Variants in NYAP2 observed in about 807,000 individuals in gnomAD.
The protein encoded by NYAP2 is neuronal tyrosine-phosphorylated phosphoinositide-3-kinase adapter 2.
A neutral mutation model predicts 50.4 loss-of-function variants in NYAP2; 23 were observed. That is an observed-to-expected ratio of 0.46 (90% CI 0.33 to 0.65). The LOEUF (loss-of-function observed/expected upper bound fraction) is 0.65, where lower values mean the gene tolerates loss of function less well. Ranked by LOEUF, NYAP2 falls within the 30% of genes least tolerant of loss-of-function variation. NYAP2 has a pLI of 0.02. For synonymous variants in NYAP2, 394 were observed against 365.2 expected (o/e 1.08, Z -0.90); for missense variants, 885 against 861.0 (o/e 1.03, Z -0.35).
At chr2:225,637,892 G>A (rs1012287456) in intron 6 of NYAP2, among the ~76,000 whole-genome samples, 1 of 152,060 alleles carries the variant, frequency 6.6e-6, no homozygotes. Context: ...AAATGCAAAA[G>A]GCTAATTACA....
chr2:225,687,105 G>T, the NYAP2 span, among the ~76,000 whole-genome samples: 1 of 152,094 alleles, frequency 6.6e-6, no homozygotes, highest in Non-Finnish European at 1.5e-5. Context: ...TTTAGCATGT[G>T]ATATATTTAG....
intron 4 of NYAP2, among the ~76,000 whole-genome samples, chr2:225,575,637 GT>G (rs1294970276): frequency 6.6e-6 from 1 of 152,186 alleles, no homozygotes; most frequent in Non-Finnish European, 1.5e-5. Context: ...GATCTTCTGA[GT>G]GTTCAGATTT....
chr2:225,593,667 C>CTACAAA (rs976045439), intron 5 of NYAP2, among the ~76,000 whole-genome samples: 9 of 152,290 alleles, frequency 5.9e-5, no homozygotes, highest in African/African-American at 2.2e-4. Context: ...GGAAAACAAG[C>CTACAAA]TACAAACCTT....
rs928247001 is a variant in NYAP2 at position 225,425,490 on chromosome 2, C to T, written c.221+16389C>T. 6.6e-4 allele frequency among the ~76,000 whole-genome samples: 100 copies of T among 152,084 alleles called. 2 individuals are homozygous for T. The highest frequency in any genetic ancestry group is 6.0e-3 in the Admixed American group (92 of 15,266). ...GCTTTAGAAGGCAAGGGCACAAGTA[C>T]GGTATTTTATAACTGGCTAATTTCA... On this transcript the variant is annotated intron_variant, in intron 3 of 6. Coordinates refer to ENST00000636099, the Ensembl canonical transcript of NYAP2.
chr2:225,417,866 G>A (rs959662293), intron 3 of NYAP2, among the ~76,000 whole-genome samples: 1 of 152,082 alleles, frequency 6.6e-6, no homozygotes, highest in Non-Finnish European at 1.5e-5. Context: ...AGGTGCTTGG[G>A]ATAAGATGGT....
chr2:225,686,119 G>A, the NYAP2 span, among the ~76,000 whole-genome samples: 1 of 152,096 alleles, frequency 6.6e-6, no homozygotes, highest in Non-Finnish European at 1.5e-5. Flanking sequence ...TGGATGGGTA[G>A]GTTTTCATTG....
chr2:225,658,318 C>T (rs753520977), downstream of NYAP2, among the ~76,000 whole-genome samples: 1 of 151,864 alleles, frequency 6.6e-6, no homozygotes, highest in Non-Finnish European at 1.5e-5. Flanking sequence ...CTTGGAACAC[C>T]CCCCTAAGTT....
the NYAP2 span, among the ~76,000 whole-genome samples, chr2:225,693,875 T>C: frequency 6.6e-6 from 1 of 152,060 alleles, no homozygotes; most frequent in East Asian, 1.9e-4. Flanking sequence ...TTCCACACTG[T>C]ACTTTTTAGG....
At chr2:225,524,893 A>G (rs2106193434) in intron 4 of NYAP2, among the ~76,000 whole-genome samples, 1 of 152,318 alleles carries the variant, frequency 6.6e-6, no homozygotes, top group Non-Finnish European at 1.5e-5. Context: ...CTAAAGGAAA[A>G]AATGAGTAAC....
intron 3 of NYAP2, among the ~76,000 whole-genome samples, chr2:225,478,158 T>C (rs1035845596): frequency 2.0e-5 from 3 of 152,162 alleles, no homozygotes; most frequent in African/African-American, 7.2e-5. Context: ...CTACACTTAG[T>C]ATAGAGATGC....
At chr2:225,454,048 T>C (rs1281795156) in intron 3 of NYAP2, among the ~76,000 whole-genome samples, 1 of 152,232 alleles carries the variant, frequency 6.6e-6, no homozygotes, top group South Asian at 2.1e-4. Context: ...CCAGGAGTGG[T>C]GGCTCTTGCC....
chr2:225,665,482 G>T, the NYAP2 span, among the ~76,000 whole-genome samples: 3 of 151,722 alleles, frequency 2.0e-5, no homozygotes, highest in East Asian at 5.8e-4. Context: ...AAAATGGAGC[G>T]TTTTAACACA....
At chr2:225,602,735 A>G (rs553405326) in intron 5 of NYAP2, among the ~76,000 whole-genome samples, 49 of 152,160 alleles carry the variant, frequency 3.2e-4, no homozygotes, top group Non-Finnish European at 6.3e-4. Flanking sequence ...CCAGTGAATG[A>G]TCTTGGCAGT....
intron 3 of NYAP2, among the ~76,000 whole-genome samples, chr2:225,418,179 A>G (rs1695154703): frequency 6.6e-6 from 1 of 152,124 alleles, no homozygotes; most frequent in South Asian, 2.1e-4. Context: ...AGGAAGAAGA[A>G]ATGTGGAGAG....
At chr2:225,539,200 T>A (rs1293639058) in intron 4 of NYAP2, among the ~76,000 whole-genome samples, 2 of 152,226 alleles carry the variant, frequency 1.3e-5, no homozygotes, top group Non-Finnish European at 2.9e-5. Context: ...CTGCATAGTA[T>A]TCCATGCTGT....
At chr2:225,509,189 G>A (rs554305229) in intron 3 of NYAP2, among the ~76,000 whole-genome samples, 20 of 152,226 alleles carry the variant, frequency 1.3e-4, no homozygotes, top group South Asian at 1.0e-3. Flanking sequence ...TCTCTCATTC[G>A]TGAGAAGTTG....
At chr2:225,631,811 T>C (rs1213643347) in intron 6 of NYAP2, among the ~76,000 whole-genome samples, 1 of 152,066 alleles carries the variant, frequency 6.6e-6, no homozygotes, top group African/African-American at 2.4e-5. Context: ...TTTTGCTTTG[T>C]TTTGTTTTGT....
intron 4 of NYAP2, among the ~76,000 whole-genome samples, chr2:225,534,314 C>T (rs1472312292): frequency 6.6e-6 from 1 of 152,222 alleles, no homozygotes; most frequent in African/African-American, 2.4e-5. Flanking sequence ...TAAATTCCCA[C>T]AGCAGGGGCC....
intron 4 of NYAP2, among the ~76,000 whole-genome samples, chr2:225,542,240 C>T (rs1348555551): frequency 2.0e-5 from 3 of 152,064 alleles, no homozygotes; most frequent in African/African-American, 7.2e-5. Context: ...TTCTTCCTTT[C>T]CAGTTGGATG....
Sources: allele counts gnomAD v4.1 joint callset (sites outside exome capture counted in the v4.1 genomes callset), GRCh38; gene constraint gnomAD v4.1.1; transcripts MANE v1.5; gene names NCBI Gene and HGNC (gene_info 2026-07-23, HGNC 2026-07-21).